DAB2IP: variants seen among roughly 807,000 people sequenced by gnomAD.
The protein encoded by DAB2IP is disabled homolog 2-interacting protein.
DAB2IP carries 28 observed loss-of-function variants against 107.2 expected under a neutral mutation model. That is an observed-to-expected ratio of 0.26 (90% CI 0.19 to 0.36). DAB2IP has a LOEUF of 0.36. Ranked by LOEUF, DAB2IP falls within the 10% of genes least tolerant of loss-of-function variation. The pLI is 1.00. For synonymous variants in DAB2IP, 755 were observed against 706.4 expected (o/e 1.07, Z -1.09); for missense variants, 1,400 against 1,644.7 (o/e 0.85, Z 2.57).
At chr9:121,571,851 G>A (rs555545602) in intron 1 of DAB2IP, among the ~76,000 whole-genome samples, 1 of 152,238 alleles carries the variant, frequency 6.6e-6, no homozygotes, top group Non-Finnish European at 1.5e-5. Context: ...GCAGACATAG[G>A]TGCAGAGGTT....
At chr9:121,655,089 A>T (rs1469574504) in intron 1 of DAB2IP, among the ~76,000 whole-genome samples, 4 of 151,812 alleles carry the variant, frequency 2.6e-5, no homozygotes, top group Non-Finnish European at 4.4e-5. Context: ...CATCTGAAGG[A>T]TGGGCAGAGT....
chr9:121,774,993 G>A (rs1835095004), intron 13 of DAB2IP, among the ~76,000 whole-genome samples: 1 of 152,166 alleles, frequency 6.6e-6, no homozygotes. Context: ...CCACCCCCGG[G>A]AAAAGAATCT....
intron 1 of DAB2IP, among the ~76,000 whole-genome samples, chr9:121,632,097 G>T (rs1025188787): frequency 1.3e-5 from 2 of 152,198 alleles, no homozygotes. Flanking sequence ...AAGGTCAGGA[G>T]GCTCAGACCT....
chr9:121,586,497 C>T (rs1830316750), intron 1 of DAB2IP, among the ~76,000 whole-genome samples: 1 of 152,104 alleles, frequency 6.6e-6, no homozygotes, highest in African/African-American at 2.4e-5. Context: ...TTGCAGGGAG[C>T]TGCAAGGGAG....
At chr9:121,571,999 G>C (rs1328766487) in intron 1 of DAB2IP, among the ~76,000 whole-genome samples, 1 of 151,182 alleles carries the variant, frequency 6.6e-6, no homozygotes, top group African/African-American at 2.4e-5. Flanking sequence ...GACAAGATGT[G>C]ACTGTCCCCT....
chr9:121,687,447 C>T (rs1828937274), intron 2 of DAB2IP, among the ~76,000 whole-genome samples: 1 of 152,186 alleles, frequency 6.6e-6, no homozygotes, highest in African/African-American at 2.4e-5. Context: ...GGCCAACAGA[C>T]ACTCAGTCAC....
At chr9:121,707,081 GT>G (rs1830093268) in intron 3 of DAB2IP, among the ~76,000 whole-genome samples, 1 of 152,204 alleles carries the variant, frequency 6.6e-6, no homozygotes, top group African/African-American at 2.4e-5. Context: ...GGAGGCCTGC[GT>G]TCTGCAGACC....
intron 9 of DAB2IP, among the ~76,000 whole-genome samples, chr9:121,767,412 C>T (rs531798145): frequency 6.6e-6 from 1 of 152,318 alleles, no homozygotes; most frequent in African/African-American, 2.4e-5. Context: ...CACACACGAG[C>T]CTCTTAGGAG....
In DAB2IP at chr9:121,699,111, C is replaced by CGGGGT; in HGVS notation, c.229-210_229-206dup. On this transcript the variant is annotated intron_variant, in intron 2 of 15. Coordinates refer to ENST00000408936, the Ensembl canonical transcript of DAB2IP. The surrounding 1 kb of genome is among the most constrained non-coding windows in gnomAD (Gnocchi z 6.2). ...TAGGGGGCGGGGGCGACGTGGCGGG[C>CGGGGT]GGGGTGGGCTGGGCCGCGCTGCGCG... 6.9e-6 allele frequency among the ~76,000 whole-genome samples: 1 copy of CGGGGT among 144,268 alleles called. No individual in the cohort carries two copies. The highest frequency in any genetic ancestry group is 2.2e-4 in the South Asian group (1 of 4,550). The allele number at this position is 144,268 out of a possible 152,430, so 94.6% of individuals were successfully genotyped here. A position where few individuals can be genotyped will look rare whatever the true frequency, so the allele number is the denominator to read the frequency against.
chr9:121,626,424 C>CTTT (rs59085032), intron 1 of DAB2IP, among the ~76,000 whole-genome samples: 1 of 114,522 alleles, frequency 8.7e-6, no homozygotes, highest in Non-Finnish European at 1.8e-5. Flanking sequence ...GACGAGAAAC[C>CTTT]TTTTTTTTTT....
chr9:121,768,689 G>C (rs970291202), intron 10 of DAB2IP, 56 bp downstream of exon 10: 1 of 1,600,370 alleles, frequency 6.2e-7, no homozygotes, highest in Non-Finnish European at 8.5e-7. Context: ...GGCTTTTAGT[G>C]TTCCCCCTTC....
intron 3 of DAB2IP, among the ~76,000 whole-genome samples, chr9:121,752,318 A>G (rs765765452): frequency 1.3e-5 from 2 of 152,008 alleles, no homozygotes; most frequent in East Asian, 1.9e-4. Context: ...GGCTATCCCT[A>G]TCCCCACTGA....
At chr9:121,611,837 G>A (rs796717825) in intron 1 of DAB2IP, among the ~76,000 whole-genome samples, 7 of 151,794 alleles carry the variant, frequency 4.6e-5, no homozygotes, top group Admixed American at 1.3e-4. Context: ...CACCTGCCTC[G>A]GCCTCCCAAA....
chr9:121,590,418 A>C (rs1164460962), intron 1 of DAB2IP, among the ~76,000 whole-genome samples: 3 of 151,894 alleles, frequency 2.0e-5, no homozygotes, highest in Admixed American at 2.0e-4. Context: ...CCACCACCCC[A>C]GCCTATCTGT....
At chr9:121,666,597 C>T (rs1218059587) in intron 1 of DAB2IP, among the ~76,000 whole-genome samples, 1 of 151,696 alleles carries the variant, frequency 6.6e-6, no homozygotes, top group Non-Finnish European at 1.5e-5. Context: ...GGCCTGTCGG[C>T]GGGTTGGGGG....
intron 3 of DAB2IP, among the ~76,000 whole-genome samples, chr9:121,740,064 G>A (rs1353663898): frequency 6.6e-6 from 1 of 152,178 alleles, no homozygotes; most frequent in African/African-American, 2.4e-5. Context: ...GGTGTGTTGA[G>A]TAGGAAAAGG....
At chr9:121,596,825 A>G (rs554348408) in intron 1 of DAB2IP, among the ~76,000 whole-genome samples, 1 of 152,246 alleles carries the variant, frequency 6.6e-6, no homozygotes, top group African/African-American at 2.4e-5. Flanking sequence ...TGTTTCCCAG[A>G]GTGGCTCTAC....
rs1832027335 is a variant in DAB2IP at position 121,634,891 on chromosome 9, T to A, written c.41-43787T>A. ...CCCCGTGGGCTCGGCTGCTCCCTGC[T>A]GACTTGCACCTCAGAGGCACCCCCA... is the stretch of plus-strand genomic sequence containing the variant. On this transcript the variant is annotated intron_variant, in intron 1 of 16. Coordinates refer to the DAB2IP transcript ENST00000259371. This position sits in a 1 kb window ranked among gnomAD's most constrained non-coding sequence, Gnocchi z 4.7. Among the ~76,000 whole-genome samples, 1 of 152,170 alleles carries A rather than the reference T, an allele frequency of 6.6e-6. No homozygotes were observed. The highest frequency in any genetic ancestry group is 1.5e-5 in the Non-Finnish European group (1 of 68,030).
In DAB2IP at chr9:121,698,640, G is replaced by T. The variant is rs566532883; in HGVS notation, c.229-685G>T. ...CTGGGGTACATACAACGGTTCCGGGGAGGGGCCCCACCCTGACATCAAGCT... is the reference window on the plus strand; with the variant it reads ...CTGGGGTACATACAACGGTTCCGGGTAGGGGCCCCACCCTGACATCAAGCT... On this transcript the variant is annotated intron_variant, in intron 2 of 15. Coordinates refer to ENST00000408936, the Ensembl canonical transcript of DAB2IP. The surrounding 1 kb of genome is among the most constrained non-coding windows in gnomAD (Gnocchi z 4.1). 6.6e-6 allele frequency among the ~76,000 whole-genome samples: 1 copy of T among 152,294 alleles called. No individual in the cohort carries two copies. The highest frequency in any genetic ancestry group is 1.5e-5 in the Non-Finnish European group (1 of 68,002).
Sources: allele counts gnomAD v4.1 joint callset (sites outside exome capture counted in the v4.1 genomes callset), GRCh38; gene constraint gnomAD v4.1.1; non-coding constraint Gnocchi (gnomAD v3.1); transcripts MANE v1.5; gene names NCBI Gene and HGNC (gene_info 2026-07-23, HGNC 2026-07-21).